Variants in CNOT1 observed in about 807,000 individuals in gnomAD.
The protein encoded by CNOT1 is CCR4-NOT transcription complex subunit 1.
A neutral mutation model predicts 273.8 loss-of-function variants in CNOT1; 15 were observed. The observed-to-expected ratio is 0.05, with a 90% confidence interval of 0.04 to 0.08. The LOEUF (loss-of-function observed/expected upper bound fraction) is 0.08, where lower values mean the gene tolerates loss of function less well. Among genes scored for constraint, CNOT1 ranks in the 10% least tolerant of loss-of-function variants. The pLI is 1.00. For missense variants in CNOT1, 1,644 were observed against 2,912.2 expected (o/e 0.56, Z 10.02); for synonymous variants, 1,022 against 1,005.5 (o/e 1.02, Z -0.31).
chr16:58,523,358 C>CT lies in CNOT1; in HGVS notation c.6917+11dup. On this transcript the variant is annotated intron_variant, in intron 47 of 48. Coordinates refer to ENST00000317147, the MANE Select transcript of CNOT1 (RefSeq NM_016284.5). ...CCTTTTGAAGCATTTAAAAAATAAG[C>CT]TGCTCGCTTACCTTGTGATCTGTTC... 1 of 1,560,240 alleles carries CT rather than the reference C, an allele frequency of 6.4e-7. No homozygotes were observed. The highest frequency in any genetic ancestry group is 8.7e-7 in the Non-Finnish European group (1 of 1,153,504).
intron 16 of CNOT1, among the ~76,000 whole-genome samples, chr16:58,568,923 G>A (rs2041163514): frequency 6.6e-6 from 1 of 152,166 alleles, no homozygotes; most frequent in South Asian, 2.1e-4. Flanking sequence ...CTCTGCTGAA[G>A]AAGGAAGATC....
chr16:58,599,070 A>AAAAT, intron 2 of CNOT1, 166 bp downstream of exon 2: 6 of 729,632 alleles, frequency 8.2e-6, no homozygotes, highest in African/African-American at 1.9e-5. Flanking sequence ...AAAAAAAAAA[A>AAAAT]GATTGGGCTA....
At position 58,530,301 on chromosome 16, in the gene CNOT1, A is replaced by G; in HGVS notation, c.6224T>C (p.Leu2075Ser). The change falls in exon 43 of 49, where the codon TTA becomes TCA. Residue 2075 changes from leucine to serine, a missense_variant. Leu to Ser is a moderately radical substitution (Grantham distance 145, BLOSUM62 -2). This residue lies in a region of CNOT1 where 25 missense variants were observed against 31.2 expected (regional missense o/e 0.80). Coordinates refer to ENST00000317147, the MANE Select transcript of CNOT1 (RefSeq NM_016284.5). ...AQLLIDLFKY[L>S]APFLRNVELT... Reference sequence around the variant, plus strand: ...TTCCACATTTCTAAGGAAAGGCGCTAAATATTTGAATAAATCAATCAGTAG... The same window carrying G: ...TTCCACATTTCTAAGGAAAGGCGCTGAATATTTGAATAAATCAATCAGTAG... 6.2e-7 allele frequency: 1 copy of G among 1,612,504 alleles called. No homozygotes were observed. Among genetic ancestry groups the G allele is most frequent in the Non-Finnish European group, 8.5e-7 (1 of 1,178,890 alleles).
At chr16:58,598,908 G>A (rs898890843) in intron 2 of CNOT1, 28 of 245,344 alleles carry the variant, frequency 1.1e-4, no homozygotes, top group Non-Finnish European at 2.1e-4. Context: ...AAATACAGCC[G>A]GGCATGGTGG....
chr16:58,601,282 G>C (rs955886101), intron 1 of CNOT1, among the ~76,000 whole-genome samples: 4 of 152,116 alleles, frequency 2.6e-5, no homozygotes, highest in Admixed American at 2.6e-4. Flanking sequence ...ATTTTTAGTA[G>C]AGACAGGGTT....
At position 58,603,434 on chromosome 16, in the gene CNOT1, TGTGTGTGTGTGTGTG is replaced by T. The variant is rs796278821; in HGVS notation, c.-174-3938_-174-3924del. Among the ~76,000 whole-genome samples, 243 of 150,624 alleles carry T rather than the reference TGTGTGTGTGTGTGTG, an allele frequency of 1.6e-3. 1 individual carries two copies. Among genetic ancestry groups the T allele is most frequent in the African/African-American group, 4.0e-3 (165 of 41,054 alleles). On this transcript the variant is annotated intron_variant, in intron 1 of 48. Transcript: ENST00000317147. ...GTGTGTGTGTGTGTGTGTGTGTGTGTGTGTGTGTGTGTGTGTGTGTGTGTGTGTCTAAAACTCAGA... is the reference window on the plus strand; with the variant it reads ...GTGTGTGTGTGTGTGTGTGTGTGTGTTGTGTGTGTGTGTCTAAAACTCAGA...
chr16:58,580,971 CTGT>C (rs1474988146), intron 11 of CNOT1, among the ~76,000 whole-genome samples: 78,770 of 134,188 alleles, frequency 0.59, 26,049 homozygotes, highest in African/African-American at 0.7. Flanking sequence ...ATCATAACAA[CTGT>C]TAAAAGACAT....
At chr16:58,540,711 T>C (rs1016257819) in intron 34 of CNOT1, among the ~76,000 whole-genome samples, 3 of 151,828 alleles carry the variant, frequency 2.0e-5, no homozygotes, top group Admixed American at 1.3e-4. Context: ...GGTTGTACCA[T>C]GGTCACACAG....
At chr16:58,627,137 C>G (rs2043617554) in intron 1 of CNOT1, among the ~76,000 whole-genome samples, 1 of 151,526 alleles carries the variant, frequency 6.6e-6, no homozygotes, top group Non-Finnish European at 1.5e-5. Context: ...GGCTGGGCAC[C>G]GTGGCTCACG....
intron 39 of CNOT1, among the ~76,000 whole-genome samples, chr16:58,535,544 T>C (rs898694558): frequency 6.6e-6 from 1 of 152,056 alleles, no homozygotes; most frequent in Non-Finnish European, 1.5e-5. Flanking sequence ...ACCCACGAAA[T>C]AGCAATGATC....
intron 17 of CNOT1, among the ~76,000 whole-genome samples, chr16:58,559,103 A>T (rs1015286530): frequency 6.6e-5 from 10 of 152,164 alleles, no homozygotes; most frequent in African/African-American, 2.4e-4. Flanking sequence ...TTTTAAAAGA[A>T]TTTTTTGCAT....
chr16:58,569,140 T>G (rs2041170460), intron 16 of CNOT1, among the ~76,000 whole-genome samples: 1 of 152,214 alleles, frequency 6.6e-6, no homozygotes. Flanking sequence ...TTTTGGTTTT[T>G]GAGACAGAGT....
chr16:58,596,192 C>A (rs2042242891), intron 2 of CNOT1, among the ~76,000 whole-genome samples: 1 of 152,178 alleles, frequency 6.6e-6, no homozygotes, highest in South Asian at 2.1e-4. Context: ...AAGGAGCAAT[C>A]TAGCAGTGCC....
At chr16:58,529,771 G>A (rs2039712979) in intron 43 of CNOT1, among the ~76,000 whole-genome samples, 1 of 148,250 alleles carries the variant, frequency 6.7e-6, no homozygotes, top group South Asian at 2.2e-4. Context: ...AACCTGGGAG[G>A]TGGAGGTTGC....
intron 1 of CNOT1, among the ~76,000 whole-genome samples, chr16:58,602,620 A>C (rs566149487): frequency 8.0e-4 from 119 of 149,514 alleles, no homozygotes; most frequent in Non-Finnish European, 1.4e-3. Context: ...AATCCCAGCT[A>C]CCCAGGAGGT....
chr16:58,574,163 G>A (rs114219021), intron 16 of CNOT1, among the ~76,000 whole-genome samples: 188 of 152,078 alleles, frequency 1.2e-3, no homozygotes, highest in African/African-American at 4.1e-3. Flanking sequence ...TGTGGTCCCA[G>A]GTACTTGGGA....
intron 16 of CNOT1, among the ~76,000 whole-genome samples, chr16:58,570,257 A>G (rs2090727): frequency 0.75 from 114,465 of 152,132 alleles, 43,482 homozygotes; most frequent in Middle Eastern, 0.86. Flanking sequence ...GAAATGAAAA[A>G]ACACTGAACA....
At chr16:58,533,834 G>A (rs2039850692) in intron 40 of CNOT1, among the ~76,000 whole-genome samples, 1 of 151,054 alleles carries the variant, frequency 6.6e-6, no homozygotes, top group Admixed American at 6.6e-5. Flanking sequence ...CAAATAAAAA[G>A]AAACCACTGA....
chr16:58,549,952 A>G, intron 24 of CNOT1, 54 bp from the exon 25 acceptor site: 2 of 1,605,956 alleles, frequency 1.2e-6, no homozygotes, highest in Non-Finnish European at 1.7e-6. Flanking sequence ...ATAAAATAAC[A>G]CTTGGTTTCT....
Sources: gnomAD v4.1 joint callset for allele counts (sites outside exome capture counted in the v4.1 genomes callset) on GRCh38, gnomAD v4.1.1 for gene constraint, gnomAD v4.1.1 regional missense constraint, MANE v1.5 for transcripts, NCBI Gene and HGNC (gene_info 2026-07-23, HGNC 2026-07-21) for gene names.